USP25: variants seen among roughly 807,000 people sequenced by gnomAD.
USP25 encodes the protein ubiquitin specific peptidase 25.
Under a neutral mutation model 158.5 loss-of-function variants are expected in USP25, and 85 were observed. That is an observed-to-expected ratio of 0.54 (90% CI 0.45 to 0.64). USP25 has a LOEUF of 0.64. Ranked by LOEUF, USP25 falls within the 30% of genes least tolerant of loss-of-function variation. The probability of loss-of-function intolerance (pLI) is 0.00; values close to 1 mark genes in which losing one functional copy is unlikely to be tolerated. For synonymous variants in USP25, 464 were observed against 460.4 expected, an observed-to-expected ratio of 1.01 and a Z score of -0.10; for missense variants, 1,242 against 1,327.3, an observed-to-expected ratio of 0.94 and a Z score of 1.00.
At chr21:15,871,650 C>T (rs909109080) in intron 23 of USP25, among the ~76,000 whole-genome samples, 8 of 151,994 alleles carry the variant, frequency 5.3e-5, no homozygotes, top group African/African-American at 1.9e-4. Context: ...TTAGTTGTTC[C>T]CAGTTAACAT....
At chr21:15,791,206 G>A (rs899928920) in intron 4 of USP25, among the ~76,000 whole-genome samples, 1 of 151,526 alleles carries the variant, frequency 6.6e-6, no homozygotes, top group African/African-American at 2.4e-5. Context: ...TCATCTAGAT[G>A]GTATATTCCT....
chr21:15,743,848 T>C (rs1282636146), intron 1 of USP25, among the ~76,000 whole-genome samples: 1 of 152,214 alleles, frequency 6.6e-6, no homozygotes, highest in Non-Finnish European at 1.5e-5. Flanking sequence ...GGAATTTGTC[T>C]ACTGTGGCTA....
At chr21:15,864,512 GATA>G in intron 21 of USP25, 66 bp downstream of exon 21, 3 of 1,404,894 alleles carry the variant, frequency 2.1e-6, no homozygotes, top group Non-Finnish European at 2.9e-6. Flanking sequence ...AGATTCCCAG[GATA>G]ATTTTTTGAG....
At position 15,843,827 on chromosome 21, in the gene USP25, T is replaced by A. The variant is rs2038453849; in HGVS notation, c.2337+1287T>A. 6.6e-6 allele frequency among the ~76,000 whole-genome samples: 1 copy of A among 152,198 alleles called. No homozygotes were observed. Among genetic ancestry groups the A allele is most frequent in the Admixed American group, 6.5e-5 (1 of 15,282 alleles). ...GCAAGGCCTCTGCTAATTAGAACTT[T>A]TATTTGTTAAAGGCCTAAATTATGA... On this transcript the variant is annotated intron_variant, in intron 18 of 25. Transcript: ENST00000400183. This position sits in a 1 kb window ranked among gnomAD's most constrained non-coding sequence, Gnocchi z 4.0.
chr21:15,777,925 A>G lies in USP25; in HGVS notation c.290A>G (p.Asp97Gly). The change falls in exon 4 of 26, where the codon GAT (aspartate) becomes GGT (glycine). Residue 97 changes from aspartate to glycine, a missense_variant. Transcript: ENST00000400183. ...ADTNVIDLTG[D>G]DKDDLQRAIA... ...TCAGATGTGATTGATCTCACTGGAG[A>G]TGATAAAGATGATCTTCAGAGAGCA... 1.2e-6 allele frequency: 2 copies of G among 1,609,548 alleles called. No individual in the cohort carries two copies. The highest frequency in any genetic ancestry group is 1.7e-6 in the Non-Finnish European group (2 of 1,178,604).
intron 7 of USP25, 138 bp from the exon 8 acceptor site, chr21:15,808,671 G>A: frequency 1.7e-6 from 1 of 572,590 alleles, no homozygotes; most frequent in Admixed American, 3.7e-5. Flanking sequence ...TGCATTTCGT[G>A]TGAAACATTT....
Position 15,777,968 on chromosome 21 carries a change from C to G in USP25, c.333C>G (p.Ala111=). Residue 111 remains alanine (A), a synonymous_variant, in exon 4 of 26, where the codon GCC becomes GCG. Coordinates refer to ENST00000400183, the MANE Select transcript of USP25 (RefSeq NM_001283041.3). ...AGAGAGCAATTGCCTTGAGTTTGGC[C>G]GAATCAAACAGGGCATTCAGGGAGA... ...DLQRAIALSL[A]ESNRAFRETG... is the part of the protein sequence containing the mutation. The G allele has an allele frequency of 6.2e-7, 1 of 1,610,910 alleles. No individual in the cohort carries two copies. Among genetic ancestry groups the G allele is most frequent in the East Asian group, 2.2e-5 (1 of 44,622 alleles).
At chr21:15,748,132 A>G (rs901981539) in intron 1 of USP25, among the ~76,000 whole-genome samples, 1 of 152,180 alleles carries the variant, frequency 6.6e-6, no homozygotes, top group Non-Finnish European at 1.5e-5. Flanking sequence ...AGTAGATGTC[A>G]GAATTTTTCC....
chr21:15,827,765 CGTGTGTGTGTGTGTGTGTGT>C (rs34923569), intron 14 of USP25, among the ~76,000 whole-genome samples: 2 of 136,810 alleles, frequency 1.5e-5, no homozygotes, highest in African/African-American at 2.6e-5. Context: ...TGTGCGTGTG[CGTGTGTGTGTGTGTGTGTGT>C]GTGTGTGTGT....
chr21:15,828,235 G>A (rs1326569029), intron 14 of USP25, among the ~76,000 whole-genome samples: 2 of 152,224 alleles, frequency 1.3e-5, no homozygotes, highest in East Asian at 3.9e-4. Flanking sequence ...TCAAATAAGA[G>A]GGAATTTTTA....
At chr21:15,856,380 T>C (rs949582720) in intron 20 of USP25, among the ~76,000 whole-genome samples, 6 of 152,260 alleles carry the variant, frequency 3.9e-5, no homozygotes, top group Non-Finnish European at 7.3e-5. Flanking sequence ...TTGTTTCTTG[T>C]ATATCCTAGA....
intron 6 of USP25, 23 bp from the exon 7 acceptor site, chr21:15,805,098 T>A: frequency 3.2e-6 from 5 of 1,559,428 alleles, no homozygotes; most frequent in Non-Finnish European, 4.3e-6. Context: ...GGTGTTTTTG[T>A]TTTTGTTTTT....
intron 2 of USP25, among the ~76,000 whole-genome samples, chr21:15,765,315 T>A (rs1600844758): frequency 6.6e-6 from 1 of 152,146 alleles, no homozygotes; most frequent in East Asian, 1.9e-4. Context: ...TTTGCTGTTT[T>A]AAATTAAAAT....
intron 17 of USP25, among the ~76,000 whole-genome samples, chr21:15,834,402 CTT>C (rs552819685): frequency 2.6e-5 from 4 of 151,888 alleles, no homozygotes; most frequent in Non-Finnish European, 4.4e-5. Flanking sequence ...TCATTTGTCT[CTT>C]TTTATAACTG....
At chr21:15,849,965 TATA>T in intron 20 of USP25, 93 bp downstream of exon 20, 1 of 1,029,660 alleles carries the variant, frequency 9.7e-7, no homozygotes, top group Admixed American at 3.2e-5. Context: ...TGGTTTTCTG[TATA>T]ATTTCTCTTT....
chr21:15,802,957 T>TTTTTAG (rs2146261659), intron 6 of USP25, among the ~76,000 whole-genome samples: 1 of 150,104 alleles, frequency 6.7e-6, no homozygotes, highest in African/African-American at 2.4e-5. Flanking sequence ...ATATAAGGAG[T>TTTTTAG]GAAAAAGGGA....
At position 15,737,595 on chromosome 21, in the gene USP25, A is replaced by C. The variant is rs144034584; in HGVS notation, c.45+7157A>C. Among the ~76,000 whole-genome samples the C allele has an allele frequency of 4.6e-5, 7 of 151,926 alleles. No individual in the cohort carries two copies. The East Asian group carries it at 1.2e-3, about 25-fold the overall frequency. ...GGCTGAAGGTATTTTTTTTAATGTT[A>C]GTTGTTTTAACTTAAAAATTTTAAG... On this transcript the variant is annotated intron_variant, in intron 1 of 25. Coordinates refer to ENST00000400183, the MANE Select transcript of USP25 (RefSeq NM_001283041.3).
chr21:15,730,451 C>T lies in USP25; in HGVS notation c.45+13C>T, dbSNP rs926331153. On this transcript the variant is annotated intron_variant, in intron 1 of 25. Coordinates refer to ENST00000400183, the MANE Select transcript of USP25 (RefSeq NM_001283041.3). ...CGCGGCGCAGAAGGTGAGGCGAGTCCGCCAGCCGGCGGGCCCCACTTCTCC... is the reference window on the plus strand; with the variant it reads ...CGCGGCGCAGAAGGTGAGGCGAGTCTGCCAGCCGGCGGGCCCCACTTCTCC... 4 of 1,353,100 alleles carry T rather than the reference C, an allele frequency of 3.0e-6. No homozygotes were observed. Among genetic ancestry groups the T allele is most frequent in the African/African-American group, 1.5e-5 (1 of 65,652 alleles). 83.8% of individuals were successfully genotyped at this position (1,353,100 alleles called of 1,614,324 possible).
intron 4 of USP25, among the ~76,000 whole-genome samples, chr21:15,780,100 A>G (rs1282803161): frequency 6.6e-6 from 1 of 152,176 alleles, no homozygotes; most frequent in Admixed American, 6.5e-5. Context: ...ATTATGCTTA[A>G]AAGTAAATTA....
Sources: allele counts gnomAD v4.1 joint callset (sites outside exome capture counted in the v4.1 genomes callset), GRCh38; gene constraint gnomAD v4.1.1; non-coding constraint Gnocchi (gnomAD v3.1); transcripts MANE v1.5; gene names NCBI Gene and HGNC (gene_info 2026-07-23, HGNC 2026-07-21).